CAMK2B: variants seen among roughly 807,000 people sequenced by gnomAD.
The protein encoded by CAMK2B is calcium/calmodulin-dependent protein kinase type II subunit beta.
CAMK2B carries 27 observed loss-of-function variants against 93.7 expected under a neutral mutation model. The observed-to-expected ratio is 0.29, with a 90% CI of 0.21 to 0.40. CAMK2B has a LOEUF of 0.40. CAMK2B is among the 10% of genes least tolerant of loss of function. The pLI is 1.00. For missense variants in CAMK2B, 568 were observed against 895.8 expected, an observed-to-expected ratio of 0.63 and a Z score of 4.67; for synonymous variants, 374 against 358.8, an observed-to-expected ratio of 1.04 and a Z score of -0.48.
chr7:44,321,948 C>T (rs1387569083), intron 1 of CAMK2B, among the ~76,000 whole-genome samples: 1 of 152,230 alleles, frequency 6.6e-6, no homozygotes, highest in Non-Finnish European at 1.5e-5. Flanking sequence ...AGACAGAAGA[C>T]TCGAGGACCC....
intron 13 of CAMK2B, among the ~76,000 whole-genome samples, chr7:44,237,217 G>T (rs1214995831): frequency 6.6e-6 from 1 of 152,244 alleles, no homozygotes; most frequent in African/African-American, 2.4e-5. Flanking sequence ...GCCCATCGGC[G>T]GGGCTGGCAG....
At chr7:44,280,509 C>A (rs140826431) in intron 2 of CAMK2B, among the ~76,000 whole-genome samples, 1 of 152,180 alleles carries the variant, frequency 6.6e-6, no homozygotes, top group South Asian at 2.1e-4. Context: ...CTGACCTTCA[C>A]GGACAGATGG....
intron 14 of CAMK2B, 36 bp from the exon 15 acceptor site, chr7:44,234,497 G>A: frequency 6.4e-7 from 1 of 1,574,450 alleles, no homozygotes; most frequent in Non-Finnish European, 8.6e-7. Flanking sequence ...TTAGGTGGGA[G>A]AAGCCCCTCA....
At chr7:44,279,269 G>T (rs1226105034) in intron 2 of CAMK2B, among the ~76,000 whole-genome samples, 2 of 152,210 alleles carry the variant, frequency 1.3e-5, no homozygotes, top group African/African-American at 2.4e-5. Flanking sequence ...GTTGAAGCTG[G>T]GTTCGTTCTA....
At chr7:44,251,622 C>T (rs913672170) in intron 5 of CAMK2B, among the ~76,000 whole-genome samples, 10 of 152,230 alleles carry the variant, frequency 6.6e-5, no homozygotes, top group South Asian at 4.1e-4. Flanking sequence ...GCACACAGGC[C>T]GTGTGCCCCC....
chr7:44,236,944 GCAAGGAAGGGACCCAGTCCCTTCCAGAAA>G (rs1274776547), intron 13 of CAMK2B, among the ~76,000 whole-genome samples: 1 of 152,222 alleles, frequency 6.6e-6, no homozygotes, highest in East Asian at 1.9e-4. Context: ...AGCTGAACAG[GCAAGGAAGGGACCCAGTCCCTTCCAGAAA>G]CACACATTTC....
chr7:44,320,584 G>T (rs1267880513), intron 1 of CAMK2B, among the ~76,000 whole-genome samples: 1 of 152,216 alleles, frequency 6.6e-6, no homozygotes, highest in East Asian at 1.9e-4. Flanking sequence ...TACCAGAAAA[G>T]AAAAGTCCTG....
chr7:44,317,351 A>G (rs1326257682), intron 1 of CAMK2B, among the ~76,000 whole-genome samples: 2 of 152,170 alleles, frequency 1.3e-5, no homozygotes, highest in Non-Finnish European at 2.9e-5. Context: ...GTCCAAACTG[A>G]GATGTGCCGT....
chr7:44,314,745 A>G (rs986510548), intron 1 of CAMK2B, among the ~76,000 whole-genome samples: 1 of 152,160 alleles, frequency 6.6e-6, no homozygotes, highest in Non-Finnish European at 1.5e-5. Context: ...CACCCTCACC[A>G]ACACTTGCTA....
At chr7:44,228,730 G>A (rs2096546102) in intron 19 of CAMK2B, 66 bp downstream of exon 19, 1 of 1,389,766 alleles carries the variant, frequency 7.2e-7, no homozygotes. Context: ...GGAAGCTGCT[G>A]AGCGCCGGCC....
Position 44,248,635 on chromosome 7 carries a change from G to T in CAMK2B, c.342-1443C>A, listed in dbSNP as rs193114221. Among the ~76,000 whole-genome samples the T allele has an allele frequency of 1.8e-4, 28 of 152,344 alleles. No individual in the cohort carries two copies. Among genetic ancestry groups the T allele is most frequent in the Admixed American group, 8.5e-4 (13 of 15,310 alleles). On this transcript the variant is annotated intron_variant, in intron 5 of 23. Transcript: ENST00000395749. The surrounding 1 kb of genome is among the most constrained non-coding windows in gnomAD (Gnocchi z 4.1). ...CCTTGGGGACAGGAGGGTGACCAGG[G>T]TCAGCAAGATGAGTGGGCTTTGTTT...
At chr7:44,243,213 G>T (rs774781187) in intron 8 of CAMK2B, 37 bp downstream of exon 8, 2 of 1,519,552 alleles carry the variant, frequency 1.3e-6, no homozygotes, top group African/African-American at 1.4e-5. Flanking sequence ...TGAAACACCC[G>T]AGGCCCTGCC....
chr7:44,258,781 G>T lies in CAMK2B; in HGVS notation c.275+91C>A, dbSNP rs2096855400. ...AGGGAGTGGCCAGCCCACGGGTAGG[G>T]ACTATTCCCTGGGGCTGGGGAGGCT... On this transcript the variant is annotated intron_variant, in intron 4 of 23. Coordinates refer to ENST00000395749, the MANE Select transcript of CAMK2B (RefSeq NM_001220.5). 5 of 1,173,706 alleles carry T rather than the reference G, an allele frequency of 4.3e-6. No homozygotes were observed. The Middle Eastern group carries it at 7.6e-4, about 179-fold the overall frequency. The allele number at this position is 1,173,706 out of a possible 1,614,324, so 72.7% of individuals were successfully genotyped here. A position where few individuals can be genotyped will look rare whatever the true frequency, so the allele number is the denominator to read the frequency against.
At chr7:44,228,321 C>T (rs957937785) in intron 19 of CAMK2B, among the ~76,000 whole-genome samples, 2 of 152,078 alleles carry the variant, frequency 1.3e-5, no homozygotes, top group Non-Finnish European at 2.9e-5. Context: ...GCACCTTCCT[C>T]AGCCTCCTAG....
In CAMK2B at chr7:44,303,523, A is replaced by G. The variant is rs188455285; in HGVS notation, c.66-19298T>C. Among the ~76,000 whole-genome samples, 66 of 152,346 alleles carry G rather than the reference A, an allele frequency of 4.3e-4. 1 individual carries two copies. The highest frequency in any genetic ancestry group is 1.5e-3 in the African/African-American group (61 of 41,592). The stretch of plus-strand genomic sequence containing the variant: ...TAGAGAAAGGATAGCCTTTTCAACA[A>G]TGGTGCCAGAACAACTGGATATTCA... On this transcript the variant is annotated intron_variant, in intron 1 of 23. Coordinates refer to ENST00000395749, the MANE Select transcript of CAMK2B (RefSeq NM_001220.5).
intron 1 of CAMK2B, among the ~76,000 whole-genome samples, chr7:44,291,068 C>G (rs1786658212): frequency 6.6e-6 from 1 of 152,202 alleles, no homozygotes; most frequent in Non-Finnish European, 1.5e-5. Context: ...TTTCCACTTT[C>G]TCCTCTCACT....
At chr7:44,307,384 G>A (rs1458259417) in intron 1 of CAMK2B, among the ~76,000 whole-genome samples, 2 of 129,816 alleles carry the variant, frequency 1.5e-5, no homozygotes, top group African/African-American at 5.8e-5. Context: ...GAGGGTGTGA[G>A]CAGGGAGAAG....
intron 19 of CAMK2B, among the ~76,000 whole-genome samples, chr7:44,227,548 G>A (rs1178030306): frequency 2.6e-4 from 1 of 3,780 alleles, no homozygotes; most frequent in Non-Finnish European, 5.0e-4. Flanking sequence ...CAGAGGGAGT[G>A]TAGGGGACAG....
intron 2 of CAMK2B, among the ~76,000 whole-genome samples, chr7:44,281,027 A>AC (rs997866850): frequency 2.0e-5 from 3 of 151,566 alleles, no homozygotes; most frequent in Non-Finnish European, 4.4e-5. Context: ...TACTCCCCCC[A>AC]CCCCCAGAAC....
Sources: gnomAD v4.1 joint callset for allele counts (sites outside exome capture counted in the v4.1 genomes callset) on GRCh38, gnomAD v4.1.1 for gene constraint, Gnocchi (gnomAD v3.1) non-coding constraint, MANE v1.5 for transcripts, NCBI Gene and HGNC (gene_info 2026-07-23, HGNC 2026-07-21) for gene names.